MXD4: variants seen among roughly 807,000 people sequenced by gnomAD.
MXD4 encodes Mad4 homolog.
In MXD4, 16 loss-of-function variants were observed where a neutral mutation model predicts 24.5. The observed-to-expected ratio is 0.65, with a 90% confidence interval of 0.44 to 0.99. The LOEUF (loss-of-function observed/expected upper bound fraction) is 0.99, where lower values mean the gene tolerates loss of function less well. MXD4 is among the 50% of genes least tolerant of loss of function. The pLI is 0.00. For synonymous variants in MXD4, 164 were observed against 134.2 expected (o/e 1.22, Z -1.54); for missense variants, 301 against 301.5 (o/e 1.00, Z 0.01).
intron 2 of MXD4, among the ~76,000 whole-genome samples, chr4:2,261,444 G>C (rs1023369017): frequency 1.3e-5 from 2 of 151,924 alleles, no homozygotes; most frequent in Non-Finnish European, 2.9e-5. Context: ...GGCGGGGAGC[G>C]GGCGCGGGAG....
chr4:2,260,143 C>T lies in MXD4; in HGVS notation c.164+1582G>A, dbSNP rs118191157. 7.9e-5 allele frequency among the ~76,000 whole-genome samples: 12 copies of T among 152,328 alleles called. No homozygotes were observed. The East Asian group carries it at 2.3e-3, about 29-fold the overall frequency. On this transcript the variant is annotated intron_variant, in intron 2 of 5. Coordinates refer to ENST00000337190, the MANE Select transcript of MXD4 (RefSeq NM_006454.3). ...TGGGCTGCCTCAGGCCCCGGGGGAG[C>T]GGGGCTCGGCCCAGAGGAGCCAGGG...
In MXD4 at chr4:2,251,136, GCGCTCCA is replaced by G; in HGVS notation, c.413_419del (p.Val138AlafsTer22). On this transcript the variant is annotated frameshift_variant, in exon 5 of 6. Transcript: ENST00000337190. LOFTEE classifies it high-confidence loss of function. ...CAGAGCCCGTGCTATCTGTGCGCAC[GCGCTCCA>G]CGCTCTGCACCGACAGCTGCTCCAG... 6.2e-7 allele frequency: 1 copy of G among 1,600,308 alleles called. No individual in the cohort carries two copies. Among genetic ancestry groups the G allele is most frequent in the Non-Finnish European group, 8.5e-7 (1 of 1,173,338 alleles).
rs1296471576 is a variant in MXD4, at chr4:2,250,564, C to T, written c.610G>A (p.Gly204Ser). The stretch of plus-strand genomic sequence containing the variant: ...CGGGCCTACGAGAGGGCGGGGCGGC[C>T]CAGCCGCCGGCAGTGGGGCCCGAAG... ...SGFGPHCRRLGRPALS is the reference protein window; with the variant it reads ...SGFGPHCRRLSRPALS The change falls in exon 6 of 6, where the codon GGC becomes AGC. Residue 204 changes from glycine (G) to serine (S), a missense_variant. By Grantham distance (56) the Gly-to-Ser change is moderately conservative. Coordinates refer to ENST00000337190, the MANE Select transcript of MXD4 (RefSeq NM_006454.3). The T allele has an allele frequency of 1.3e-6, 2 of 1,599,292 alleles. No individual in the cohort carries two copies. Among genetic ancestry groups the T allele is most frequent in the African/African-American group, 2.7e-5 (2 of 74,590 alleles).
intron 4 of MXD4, 97 bp downstream of exon 4, chr4:2,252,311 C>A: frequency 9.9e-7 from 1 of 1,009,288 alleles, no homozygotes; most frequent in Middle Eastern, 3.1e-4. Flanking sequence ...CCCTCTGATC[C>A]AAGGGCTGCC....
chr4:2,251,919 G>A (rs1282767188), intron 4 of MXD4, among the ~76,000 whole-genome samples: 4 of 152,160 alleles, frequency 2.6e-5, no homozygotes, highest in Admixed American at 1.3e-4. Context: ...CCTTTGGGGG[G>A]CGGTCCCAGG....
At position 2,250,068 on chromosome 4, in the gene MXD4, A is replaced by G. The variant is rs1735284604; in HGVS notation, c.*476T>C. The G allele has an allele frequency of 6.2e-6, 1 of 162,160 alleles. No individual in the cohort carries two copies. Among genetic ancestry groups the G allele is most frequent in the African/African-American group, 2.4e-5 (1 of 41,680 alleles). The allele number at this position is 162,160 out of a possible 1,614,324, so 10.0% of individuals were successfully genotyped here. On this transcript the variant is annotated 3_prime_UTR_variant, in exon 6 of 6. Coordinates refer to ENST00000337190, the MANE Select transcript of MXD4 (RefSeq NM_006454.3). ...TCACAGACCCCTTGTCCACGCCAGG[A>G]GCCTATGTGGACTGACAGGTAGGTG...
At chr4:2,260,522 T>G (rs773134848) in intron 2 of MXD4, 1 of 455,634 alleles carries the variant, frequency 2.2e-6, no homozygotes, top group South Asian at 1.6e-5. Context: ...GGTCAGGGAC[T>G]TGGTTTGGAG....
chr4:2,256,553 G>A (rs902290043), intron 3 of MXD4, among the ~76,000 whole-genome samples: 3 of 152,198 alleles, frequency 2.0e-5, no homozygotes, highest in African/African-American at 4.8e-5. Flanking sequence ...CTCCAGGCCT[G>A]TAGGTGCTTG....
In MXD4 at chr4:2,247,933, C is replaced by G. The variant is rs1315459859; in HGVS notation, c.*2611G>C. 6.6e-6 allele frequency: 1 copy of G among 152,388 alleles called. No individual in the cohort carries two copies. Among genetic ancestry groups the G allele is most frequent in the Non-Finnish European group, 1.5e-5 (1 of 68,166 alleles). 9.4% of individuals were successfully genotyped at this position (152,388 alleles called of 1,614,324 possible). A position where few individuals can be genotyped will look rare whatever the true frequency, so the allele number is the denominator to read the frequency against. ...TATCCTGGTATGCGGGAGCTGCCTT[C>G]CAATAAGGCTGGGGAACCCAAGCCT... On this transcript the variant is annotated 3_prime_UTR_variant, in exon 6 of 6. Transcript: ENST00000337190.
At chr4:2,256,407 C>T (rs941175380) in intron 3 of MXD4, among the ~76,000 whole-genome samples, 2 of 152,200 alleles carry the variant, frequency 1.3e-5, no homozygotes, top group African/African-American at 2.4e-5. Context: ...CCGGGCAAAG[C>T]GATGTCCAGG....
intron 3 of MXD4, 24 bp from the exon 4 acceptor site, chr4:2,252,546 A>G (rs1735345822): frequency 1.3e-6 from 2 of 1,573,528 alleles, no homozygotes; most frequent in Non-Finnish European, 1.7e-6. Context: ...AGACAGAACC[A>G]TCAGGCTGGG....
Position 2,252,506 on chromosome 4 carries a change from G to T in MXD4, c.211C>A (p.Leu71Met). 2 of 1,611,624 alleles carry T rather than the reference G, an allele frequency of 1.2e-6. No homozygotes were observed. Among genetic ancestry groups the T allele is most frequent in the Non-Finnish European group, 1.7e-6 (2 of 1,179,536 alleles). ...AGTTGCTTGAGCTGCTCAAGGTACA[G>T]CCTGAGTTTGGCTCGTCTGAAAGAG... ...LEKHRRAKLRLYLEQLKQLVP... is the reference protein window; with the variant it reads ...LEKHRRAKLRMYLEQLKQLVP... The change falls in exon 4 of 6, where the codon CTG becomes ATG. Residue 71 changes from leucine (L) to methionine (M), a missense_variant. Coordinates refer to ENST00000337190, the MANE Select transcript of MXD4 (RefSeq NM_006454.3).
intron 3 of MXD4, among the ~76,000 whole-genome samples, chr4:2,256,988 G>A (rs1319932894): frequency 1.3e-5 from 2 of 152,166 alleles, no homozygotes; most frequent in Non-Finnish European, 2.9e-5. Context: ...CTTGGGCCCT[G>A]TACCTGCCCC....
chr4:2,261,953 G>T lies in MXD4; in HGVS notation c.28C>A (p.Leu10Met). 1 of 1,445,020 alleles carries T rather than the reference G, an allele frequency of 6.9e-7. No homozygotes were observed. Among genetic ancestry groups the T allele is most frequent in the Admixed American group, 2.2e-5 (1 of 45,164 alleles). 89.5% of individuals were successfully genotyped at this position (1,445,020 alleles called of 1,614,324 possible). Reference protein sequence around the residue: MELNSLLILLEAAEYLERRD... With the variant: MELNSLLILMEAAEYLERRD... ...CGCTCCAGGTACTCGGCCGCCTCCA[G>T]CAGGATCAGCAGGGAGTTCAGCTCC... Residue 10 changes from leucine (L) to methionine (M), a missense_variant, in exon 1 of 6, where the codon CTG becomes ATG. Coordinates refer to ENST00000337190, the MANE Select transcript of MXD4 (RefSeq NM_006454.3).
At chr4:2,260,026 C>A (rs942511379) in intron 2 of MXD4, among the ~76,000 whole-genome samples, 2 of 152,118 alleles carry the variant, frequency 1.3e-5, no homozygotes, top group African/African-American at 4.8e-5. Flanking sequence ...GATCCTCTGG[C>A]CCCCTGCTCC....
At position 2,250,411 on chromosome 4, in the gene MXD4, C is replaced by T; in HGVS notation, c.*133G>A. On this transcript the variant is annotated 3_prime_UTR_variant, in exon 6 of 6. Coordinates refer to ENST00000337190, the MANE Select transcript of MXD4 (RefSeq NM_006454.3). ...CCGGCAAGCGGGCAGTGCCAGGCAGCCCAGCAGCAGCTGGAGCTTCCAGAA... is the reference window on the plus strand; with the variant it reads ...CCGGCAAGCGGGCAGTGCCAGGCAGTCCAGCAGCAGCTGGAGCTTCCAGAA... 1 of 1,217,070 alleles carries T rather than the reference C, an allele frequency of 8.2e-7. No individual in the cohort carries two copies. The highest frequency in any genetic ancestry group is 1.1e-6 in the Non-Finnish European group (1 of 901,904). 75.4% of individuals were successfully genotyped at this position (1,217,070 alleles called of 1,614,324 possible). A position where few individuals can be genotyped will look rare whatever the true frequency, so the allele number is the denominator to read the frequency against.
At chr4:2,250,803 C>CA in intron 5 of MXD4, 102 bp from the exon 6 acceptor site, 1 of 1,421,832 alleles carries the variant, frequency 7.0e-7, no homozygotes, top group Non-Finnish European at 9.5e-7. Context: ...GGCAGAAGTG[C>CA]GGAGGGCGCT....
chr4:2,259,056 C>A (rs747294795), intron 2 of MXD4: 2 of 439,930 alleles, frequency 4.5e-6, no homozygotes, highest in South Asian at 1.6e-5. Context: ...CCCAGGATGC[C>A]GCTGCACAGG....
At chr4:2,256,673 C>G (rs572246647) in intron 3 of MXD4, among the ~76,000 whole-genome samples, 12 of 152,240 alleles carry the variant, frequency 7.9e-5, no homozygotes, top group African/African-American at 2.9e-4. Flanking sequence ...CTCTGTGTCT[C>G]AAGAAGGCCC....
Sources: allele counts gnomAD v4.1 joint callset (sites outside exome capture counted in the v4.1 genomes callset), GRCh38; gene constraint gnomAD v4.1.1; transcripts MANE v1.5; gene names NCBI Gene and HGNC (gene_info 2026-07-23, HGNC 2026-07-21).